Variants in USP25 observed in about 807,000 individuals in gnomAD.
USP25 encodes ubiquitin carboxyl-terminal hydrolase 25.
USP25 carries 85 observed loss-of-function variants against 158.5 expected under a neutral mutation model. The observed-to-expected ratio is 0.54, with a 90% confidence interval of 0.45 to 0.64. The LOEUF is 0.64. Among genes scored for constraint, USP25 ranks in the 30% least tolerant of loss-of-function variants. USP25 has a pLI of 0.00. For missense variants in USP25, 1,242 were observed against 1,327.3 expected, an observed-to-expected ratio of 0.94 and a Z score of 1.00; for synonymous variants, 464 against 460.4, an observed-to-expected ratio of 1.01 and a Z score of -0.10.
intron 17 of USP25, among the ~76,000 whole-genome samples, chr21:15,837,901 G>A (rs1053407582): frequency 6.6e-6 from 1 of 151,930 alleles, no homozygotes; most frequent in Non-Finnish European, 1.5e-5. Context: ...AGTATCGTCA[G>A]TGTTCTCAGA....
intron 7 of USP25, among the ~76,000 whole-genome samples, chr21:15,808,086 A>G (rs1254213219): frequency 6.6e-6 from 1 of 152,220 alleles, no homozygotes; most frequent in Admixed American, 6.5e-5. Context: ...GTAAGTAAGG[A>G]CAAATTGCTT....
chr21:15,849,782 G>C lies in USP25; in HGVS notation c.2457G>C (p.Met819Ile). 6.5e-7 allele frequency: 1 copy of C among 1,532,876 alleles called. No individual in the cohort carries two copies. The highest frequency in any genetic ancestry group is 8.8e-7 in the Non-Finnish European group (1 of 1,140,308). The allele number at this position is 1,532,876 out of a possible 1,614,324, so 95.0% of individuals were successfully genotyped here. A position where few individuals can be genotyped will look rare whatever the true frequency, so the allele number is the denominator to read the frequency against. The part of the protein sequence containing the change: ...SKEGGYDDEI[M>I]MTPNMQGIIM... ...TTAACTATCTTCTGTGGCAGATCAT[G>C]ATGACACCGAACATGCAAGGTATTA... Residue 819 changes from methionine to isoleucine, a missense_variant, in exon 20 of 26, where the codon ATG becomes ATC. Coordinates refer to ENST00000400183, the MANE Select transcript of USP25 (RefSeq NM_001283041.3).
rs2040017805 is a variant in USP25, at chr21:15,874,421, G to C, written c.2904G>C (p.Leu968=). 1 of 1,606,556 alleles carries C rather than the reference G, an allele frequency of 6.2e-7. No individual in the cohort carries two copies. The highest frequency in any genetic ancestry group is 8.5e-7 in the Non-Finnish European group (1 of 1,176,280). ...TTTCAAGTTATATAGATTCCTTGCTGTTCCTCATCTGTGCTTATCAGAATA... is the reference window on the plus strand; with the variant it reads ...TTTCAAGTTATATAGATTCCTTGCTCTTCCTCATCTGTGCTTATCAGAATA... ...FQRESYIDSL[L]FLICAYQNNK... Residue 968 remains leucine (L), a synonymous_variant, in exon 24 of 26, where the codon CTG becomes CTC. Coordinates refer to ENST00000400183, the MANE Select transcript of USP25 (RefSeq NM_001283041.3).
Position 15,877,815 on chromosome 21 carries a change from C to T in USP25, c.3029C>T (p.Ala1010Val), listed in dbSNP as rs2040159203. 6.2e-7 allele frequency: 1 copy of T among 1,610,534 alleles called. No homozygotes were observed. Among genetic ancestry groups the T allele is most frequent in the Non-Finnish European group, 8.5e-7 (1 of 1,178,466 alleles). ...ATTAAGAAATTAAATGAGCAAGCCG[C>T]AGAACTCTTCGAATCTGGAGAGGAT... is the stretch of plus-strand genomic sequence containing the variant. The part of the protein sequence containing the change: ...ECLLKLNEQA[A>V]ELFESGEDRE... Residue 1010 changes from alanine to valine, a missense_variant, in exon 25 of 26, where the codon GCA becomes GTA. Physicochemically the swap from Ala to Val is moderately conservative, Grantham distance 64. Around this residue, in one of 3 missense-constraint regions of USP25, gnomAD observed 608 missense variants for 605.2 expected, o/e 1.00. Coordinates refer to ENST00000400183, the MANE Select transcript of USP25 (RefSeq NM_001283041.3).
chr21:15,856,174 C>A (rs1159342003), intron 20 of USP25, among the ~76,000 whole-genome samples: 1 of 152,036 alleles, frequency 6.6e-6, no homozygotes, highest in African/African-American at 2.4e-5. Context: ...GGGAAAGAAA[C>A]ATTAATTAGA....
chr21:15,736,806 T>A (rs1169806116), intron 1 of USP25, among the ~76,000 whole-genome samples: 1 of 152,034 alleles, frequency 6.6e-6, no homozygotes, highest in African/African-American at 2.4e-5. Context: ...ATTTTCTTAG[T>A]GTTGCAGATG....
At chr21:15,868,369 C>T (rs2039744876) in intron 22 of USP25, among the ~76,000 whole-genome samples, 1 of 152,188 alleles carries the variant, frequency 6.6e-6, no homozygotes, top group African/African-American at 2.4e-5. Flanking sequence ...TCTGTGCCCT[C>T]CACATTGATT....
intron 9 of USP25, 61 bp downstream of exon 9, chr21:15,811,271 C>G: frequency 1.4e-6 from 2 of 1,431,456 alleles, no homozygotes; most frequent in South Asian, 2.5e-5. Context: ...ATTCATTCGT[C>G]TCGATAGTTA....
chr21:15,842,839 T>G (rs1175414202), intron 18 of USP25, among the ~76,000 whole-genome samples: 2 of 152,218 alleles, frequency 1.3e-5, no homozygotes, highest in Non-Finnish European at 2.9e-5. Flanking sequence ...GTGTAAAATT[T>G]AGCAGTATTT....
chr21:15,839,623 CTTGT>C (rs566421116), intron 17 of USP25, among the ~76,000 whole-genome samples: 254 of 152,156 alleles, frequency 1.7e-3, no homozygotes, highest in Non-Finnish European at 3.0e-3. Context: ...CCACATTTTT[CTTGT>C]TTGTTCTAGT....
At chr21:15,732,295 T>C (rs918522064) in intron 1 of USP25, among the ~76,000 whole-genome samples, 3 of 152,226 alleles carry the variant, frequency 2.0e-5, no homozygotes, top group African/African-American at 7.2e-5. Context: ...ACTTCCATAA[T>C]ATTTAGATTG....
At chr21:15,735,994 GTGTGTGTGTA>G (rs2031467145) in intron 1 of USP25, among the ~76,000 whole-genome samples, 1 of 151,542 alleles carries the variant, frequency 6.6e-6, no homozygotes, top group African/African-American at 2.4e-5. Context: ...GTGTGTGTGT[GTGTGTGTGTA>G]TGTATGTACA....
At chr21:15,798,757 T>G (rs2035986963) in intron 5 of USP25, among the ~76,000 whole-genome samples, 1 of 151,318 alleles carries the variant, frequency 6.6e-6, no homozygotes, top group South Asian at 2.1e-4. Flanking sequence ...GTTTTACCTT[T>G]CATATTTAGG....
At chr21:15,746,577 G>A (rs966467708) in intron 1 of USP25, among the ~76,000 whole-genome samples, 1 of 152,004 alleles carries the variant, frequency 6.6e-6, no homozygotes, top group Admixed American at 6.6e-5. Context: ...TGTATTTTTA[G>A]TAGAGATGGA....
intron 21 of USP25, 119 bp downstream of exon 21, chr21:15,864,565 T>C (rs1183850189): frequency 1.0e-6 from 1 of 959,590 alleles, no homozygotes; most frequent in Non-Finnish European, 1.5e-6. Context: ...TTTTAATAAA[T>C]ACGTAACAAA....
chr21:15,841,075 C>T (rs1172650725), intron 17 of USP25, among the ~76,000 whole-genome samples: 1 of 152,184 alleles, frequency 6.6e-6, no homozygotes, highest in African/African-American at 2.4e-5. Flanking sequence ...GGACATTAAA[C>T]TTCTTTTAAC....
At chr21:15,866,392 A>G (rs2039661651) in intron 22 of USP25, 48 bp downstream of exon 22, 2 of 1,336,594 alleles carry the variant, frequency 1.5e-6, no homozygotes, top group African/African-American at 3.0e-5. Flanking sequence ...GGATTCTGTA[A>G]TTCACTGATA....
chr21:15,825,743 G>A (rs2037469925), intron 12 of USP25, among the ~76,000 whole-genome samples: 1 of 152,110 alleles, frequency 6.6e-6, no homozygotes, highest in Admixed American at 6.5e-5. Context: ...CAAATTAGTA[G>A]TCTAAAACTT....
At chr21:15,768,153 C>A (rs1038268702) in intron 3 of USP25, among the ~76,000 whole-genome samples, 1 of 151,958 alleles carries the variant, frequency 6.6e-6, no homozygotes, top group Non-Finnish European at 1.5e-5. Context: ...TCATCTCAAC[C>A]GATTGTCATA....
Sources: gnomAD v4.1 joint callset for allele counts (sites outside exome capture counted in the v4.1 genomes callset) on GRCh38, gnomAD v4.1.1 for gene constraint, gnomAD v4.1.1 regional missense constraint, MANE v1.5 for transcripts, NCBI Gene and HGNC (gene_info 2026-07-23, HGNC 2026-07-21) for gene names.